The following LSAMP variants were observed in gnomAD, a reference collection of about 807,000 sequenced individuals.
LSAMP encodes the protein limbic system associated membrane protein.
Under a neutral mutation model 38.6 loss-of-function variants are expected in LSAMP, and 7 were observed. The observed-to-expected ratio is 0.18, with a 90% CI of 0.10 to 0.34. The LOEUF (loss-of-function observed/expected upper bound fraction) is 0.34. LSAMP is among the 10% of genes least tolerant of loss of function. LSAMP has a pLI of 1.00. For synonymous variants in LSAMP, 154 were observed against 166.8 expected, an observed-to-expected ratio of 0.92 and a Z score of 0.59; for missense variants, 313 against 420.0, an observed-to-expected ratio of 0.75 and a Z score of 2.23.
At chr3:116,116,687 A>G (rs1382412226) in intron 1 of LSAMP, among the ~76,000 whole-genome samples, 1 of 151,946 alleles carries the variant, frequency 6.6e-6, no homozygotes, top group Non-Finnish European at 1.5e-5. Context: ...ACTGCACTCC[A>G]GTCTGGCAAC....
intron 1 of LSAMP, among the ~76,000 whole-genome samples, chr3:116,237,804 A>C (rs1336199783): frequency 6.6e-6 from 1 of 152,190 alleles, no homozygotes; most frequent in Non-Finnish European, 1.5e-5. Flanking sequence ...ATAATTCAAC[A>C]ACACATTAAC....
intron 3 of LSAMP, among the ~76,000 whole-genome samples, chr3:115,955,955 TAA>T (rs915340445): frequency 5.9e-5 from 9 of 152,236 alleles, no homozygotes; most frequent in African/African-American, 1.7e-4. Context: ...GGCATTTTTT[TAA>T]AAGAGTTTTT....
At chr3:116,024,348 A>C (rs1389626532) in intron 2 of LSAMP, among the ~76,000 whole-genome samples, 1 of 152,202 alleles carries the variant, frequency 6.6e-6, no homozygotes, top group Non-Finnish European at 1.5e-5. Flanking sequence ...GGTATCTCAC[A>C]GAATTTTTGT....
intron 1 of LSAMP, among the ~76,000 whole-genome samples, chr3:116,108,798 G>T (rs1277306329): frequency 6.6e-6 from 1 of 152,158 alleles, no homozygotes; most frequent in African/African-American, 2.4e-5. Flanking sequence ...GGGGGAGGAG[G>T]TTCTGGAGGA....
chr3:115,892,597 T>C (rs1936628111), intron 3 of LSAMP, among the ~76,000 whole-genome samples: 1 of 151,708 alleles, frequency 6.6e-6, no homozygotes, highest in South Asian at 2.1e-4. Context: ...GTTTCGGGAG[T>C]GCTAGTAGTG....
intron 1 of LSAMP, among the ~76,000 whole-genome samples, chr3:116,397,156 G>T (rs1005121950): frequency 6.6e-6 from 1 of 152,106 alleles, no homozygotes; most frequent in African/African-American, 2.4e-5. Flanking sequence ...AATAGGATAA[G>T]TGTTAAAGTC....
intron 1 of LSAMP, among the ~76,000 whole-genome samples, chr3:116,175,654 C>T (rs1203435218): frequency 6.6e-6 from 1 of 151,990 alleles, no homozygotes; most frequent in African/African-American, 2.4e-5. Flanking sequence ...TATGGAAGCA[C>T]ATACCCATAC....
At chr3:116,148,620 G>A (rs556709712) in intron 1 of LSAMP, among the ~76,000 whole-genome samples, 30 of 152,118 alleles carry the variant, frequency 2.0e-4, no homozygotes, top group African/African-American at 7.2e-4. Context: ...GAAATTCATA[G>A]ATATATAAGT....
At chr3:116,400,382 CTCTT>C (rs944153524) in intron 1 of LSAMP, among the ~76,000 whole-genome samples, 16 of 151,242 alleles carry the variant, frequency 1.1e-4, no homozygotes, top group Non-Finnish European at 2.2e-4. Flanking sequence ...TTTTTTTTCT[CTCTT>C]TGTCTTTCTC....
chr3:116,322,481 G>A (rs2047718377), intron 1 of LSAMP, among the ~76,000 whole-genome samples: 1 of 152,136 alleles, frequency 6.6e-6, no homozygotes, highest in African/African-American at 2.4e-5. Flanking sequence ...GTTAGTGATA[G>A]ATAGATTATC....
intron 1 of LSAMP, among the ~76,000 whole-genome samples, chr3:116,132,574 G>C (rs1382607807): frequency 6.6e-6 from 1 of 152,160 alleles, no homozygotes; most frequent in African/African-American, 2.4e-5. Context: ...TCTCATGAAT[G>C]AAAAGTCCAC....
intron 1 of LSAMP, among the ~76,000 whole-genome samples, chr3:116,271,658 T>C (rs62271405): frequency 1.3e-5 from 2 of 152,038 alleles, no homozygotes; most frequent in Non-Finnish European, 2.9e-5. Flanking sequence ...AAATGGAAAC[T>C]TTTTCCTTTA....
chr3:116,103,464 CAAAAAAAAAAAAAAA>C (rs59732794), intron 1 of LSAMP, among the ~76,000 whole-genome samples: 1 of 42,830 alleles, frequency 2.3e-5, no homozygotes. Flanking sequence ...GACTCCTTCT[CAAAAAAAAAAAAAAA>C]AAAAAAAAAG....
intron 1 of LSAMP, among the ~76,000 whole-genome samples, chr3:116,247,792 TTAAACA>T (rs758679098): frequency 6.6e-6 from 1 of 152,188 alleles, no homozygotes; most frequent in Non-Finnish European, 1.5e-5. Flanking sequence ...AATTGTGTAG[TTAAACA>T]TAAAGTGAAA....
chr3:115,950,214 G>A (rs1214286860), intron 3 of LSAMP, among the ~76,000 whole-genome samples: 1 of 152,102 alleles, frequency 6.6e-6, no homozygotes. Context: ...ATTCAACATA[G>A]TACTGGAAGT....
intron 3 of LSAMP, among the ~76,000 whole-genome samples, chr3:115,974,994 G>T (rs1462298746): frequency 6.6e-6 from 1 of 152,168 alleles, no homozygotes; most frequent in East Asian, 1.9e-4. Context: ...ACAGTAAGGG[G>T]CAAGAGAAGA....
chr3:116,250,968 G>A (rs2046673712), intron 1 of LSAMP, among the ~76,000 whole-genome samples: 1 of 152,130 alleles, frequency 6.6e-6, no homozygotes, highest in Non-Finnish European at 1.5e-5. Context: ...CTTAGAGGCA[G>A]GACAAACTGT....
At chr3:116,149,070 C>T (rs541471906) in intron 1 of LSAMP, among the ~76,000 whole-genome samples, 21 of 152,068 alleles carry the variant, frequency 1.4e-4, no homozygotes, top group African/African-American at 4.8e-4. Flanking sequence ...CCACTAGTCA[C>T]CAATTATGTT....
At chr3:116,262,585 G>T (rs4831090) in intron 1 of LSAMP, among the ~76,000 whole-genome samples, 110,172 of 152,058 alleles carry the variant, frequency 0.72, 41,613 homozygotes, top group Non-Finnish European at 0.84. Flanking sequence ...TTCTCTGTAG[G>T]TATCAGATAC....
Sources: gnomAD v4.1 joint callset for allele counts (sites outside exome capture counted in the v4.1 genomes callset) on GRCh38, gnomAD v4.1.1 for gene constraint, MANE v1.5 for transcripts, NCBI Gene and HGNC (gene_info 2026-07-23, HGNC 2026-07-21) for gene names.